The following SRRM4 variants were observed in gnomAD, a reference collection of about 807,000 sequenced individuals.
SRRM4 encodes the protein serine/arginine repetitive matrix 4.
A neutral mutation model predicts 68.9 loss-of-function variants in SRRM4; 33 were observed. The ratio of observed to expected loss-of-function variants is 0.48; its 90% confidence interval spans 0.36 to 0.64. The LOEUF is 0.64. SRRM4 is among the 30% of genes least tolerant of loss of function. The pLI is 0.00. For synonymous variants in SRRM4, 318 were observed against 318.8 expected (o/e 1.00, Z 0.03); for missense variants, 817 against 827.1 (o/e 0.99, Z 0.15).
chr12:119,011,245 TAAAC>T lies in SRRM4; in HGVS notation c.131+29236_131+29239del, dbSNP rs376931396. ...AGACACATACATGGCAAAAAACAAA[TAAAC>T]AAAGTACTATGAAGAAGATTAGATT... is the stretch of plus-strand genomic sequence containing the variant. On this transcript the variant is annotated intron_variant, in intron 1 of 12. Transcript: ENST00000267260. 5.0e-3 allele frequency among the ~76,000 whole-genome samples: 761 copies of T among 152,190 alleles called. 13 individuals are homozygous for T. The highest frequency in any genetic ancestry group is 0.017 in the African/African-American group (718 of 41,520).
intron 1 of SRRM4, among the ~76,000 whole-genome samples, chr12:119,095,882 C>T (rs1954040837): frequency 6.7e-6 from 1 of 148,778 alleles, no homozygotes; most frequent in African/African-American, 2.5e-5. Context: ...ATCACTTGAA[C>T]CCGGGAGGCG....
intron 1 of SRRM4, among the ~76,000 whole-genome samples, chr12:119,056,835 A>G (rs1266638800): frequency 2.6e-5 from 4 of 152,172 alleles, no homozygotes; most frequent in African/African-American, 9.7e-5. Context: ...TTATTTATTT[A>G]ATATCTGTCT....
intron 1 of SRRM4, among the ~76,000 whole-genome samples, chr12:119,087,663 A>G (rs1329584974): frequency 6.6e-6 from 1 of 152,156 alleles, no homozygotes; most frequent in East Asian, 1.9e-4. Context: ...CAGCCTGGGA[A>G]CTGGGCATAG....
intron 1 of SRRM4, among the ~76,000 whole-genome samples, chr12:119,066,436 C>T (rs541599174): frequency 1.3e-5 from 2 of 152,202 alleles, no homozygotes; most frequent in African/African-American, 4.8e-5. Flanking sequence ...TTATTTTACA[C>T]TACTGGGTCT....
intron 7 of SRRM4, among the ~76,000 whole-genome samples, chr12:119,129,598 ACAAT>A (rs1378939310): frequency 1.3e-5 from 2 of 152,254 alleles, no homozygotes; most frequent in African/African-American, 4.8e-5. Flanking sequence ...CACATGACAG[ACAAT>A]CAGAGAGGTA....
At position 119,123,762 on chromosome 12, in the gene SRRM4, GCCT is replaced by G. The variant is rs1954238666; in HGVS notation, c.516-1615_516-1613del. On this transcript the variant is annotated intron_variant, in intron 6 of 12. Coordinates refer to ENST00000267260, the MANE Select transcript of SRRM4 (RefSeq NM_194286.4). ...GGCAAGTGGCTGCTGGAGTGAGTTAGCCTCCTTTCATTCAACATCCCTTAATGA... is the reference window on the plus strand; with the variant it reads ...GGCAAGTGGCTGCTGGAGTGAGTTAGCCTTTCATTCAACATCCCTTAATGA... 2.6e-5 allele frequency among the ~76,000 whole-genome samples: 4 copies of G among 152,346 alleles called. No individual in the cohort carries two copies. In the East Asian group the frequency reaches 7.7e-4, roughly 29 times the overall value.
intron 1 of SRRM4, among the ~76,000 whole-genome samples, chr12:119,013,809 T>C (rs1953464517): frequency 6.6e-6 from 1 of 152,178 alleles, no homozygotes; most frequent in African/African-American, 2.4e-5. Flanking sequence ...TTTTGGTACA[T>C]TTATTTTGGC....
chr12:119,085,808 A>G (rs1953976453), intron 1 of SRRM4, among the ~76,000 whole-genome samples: 1 of 152,082 alleles, frequency 6.6e-6, no homozygotes, highest in South Asian at 2.1e-4. Context: ...GTGGCAATGG[A>G]GATGGAGGCT....
At chr12:119,014,163 C>T (rs375331489) in intron 1 of SRRM4, among the ~76,000 whole-genome samples, 5 of 152,156 alleles carry the variant, frequency 3.3e-5, no homozygotes, top group African/African-American at 1.2e-4. Flanking sequence ...GCTATGATTA[C>T]CTTTTCATGT....
chr12:119,130,508 C>T (rs1453803086), intron 7 of SRRM4, among the ~76,000 whole-genome samples, 170 bp from the exon 8 acceptor site: 1 of 152,074 alleles, frequency 6.6e-6, no homozygotes, highest in Non-Finnish European at 1.5e-5. Context: ...TACACACAGT[C>T]CAGCTTTCAT....
chr12:119,038,715 C>G (rs1374781965), intron 1 of SRRM4, among the ~76,000 whole-genome samples: 1 of 151,930 alleles, frequency 6.6e-6, no homozygotes, highest in Non-Finnish European at 1.5e-5. Context: ...TTCATGTTTC[C>G]TCTTCATTTT....
intron 8 of SRRM4, among the ~76,000 whole-genome samples, chr12:119,138,730 A>G (rs1954346358): frequency 6.6e-6 from 1 of 152,186 alleles, no homozygotes; most frequent in South Asian, 2.1e-4. Context: ...GCCCTCTCAA[A>G]TTATTAGCAC....
intron 1 of SRRM4, among the ~76,000 whole-genome samples, chr12:119,053,113 C>G (rs771810354): frequency 2.0e-5 from 3 of 152,188 alleles, no homozygotes; most frequent in Non-Finnish European, 4.4e-5. Context: ...CCTCTCAACA[C>G]TTGCTAATCT....
intron 8 of SRRM4, among the ~76,000 whole-genome samples, chr12:119,139,934 T>C (rs1042930647): frequency 1.3e-5 from 2 of 152,182 alleles, no homozygotes; most frequent in African/African-American, 2.4e-5. Flanking sequence ...ATTTACAGGG[T>C]ATATGTGATG....
rs1025853692 is a variant in SRRM4, at chr12:119,160,383, G to T, written c.*3585G>T. ...TTTTCTATCCAAAAACAATGTGCTT[G>T]TTGAGGCACTGGTAACCCTGATTAA... On this transcript the variant is annotated 3_prime_UTR_variant, in exon 13 of 13. Transcript: ENST00000267260. 1 of 149,664 alleles carries T rather than the reference G, an allele frequency of 6.7e-6. No individual in the cohort carries two copies. The highest frequency in any genetic ancestry group is 1.5e-5 in the Non-Finnish European group (1 of 67,712). The allele number at this position is 149,664 out of a possible 1,614,324, so 9.3% of individuals were successfully genotyped here.
At chr12:119,025,008 G>A (rs1953538769) in intron 1 of SRRM4, among the ~76,000 whole-genome samples, 1 of 152,174 alleles carries the variant, frequency 6.6e-6, no homozygotes, top group African/African-American at 2.4e-5. Flanking sequence ...ATGTGGGGAA[G>A]CACTCAAGTC....
At chr12:118,996,131 A>G (rs1222035355) in intron 1 of SRRM4, among the ~76,000 whole-genome samples, 1 of 152,126 alleles carries the variant, frequency 6.6e-6, no homozygotes, top group Non-Finnish European at 1.5e-5. Context: ...ATTTCATTCA[A>G]CTGACAGTGG....
rs189534440 is a variant in SRRM4 at position 119,105,354 on chromosome 12, C to T, written c.278+2972C>T. Among the ~76,000 whole-genome samples the T allele has an allele frequency of 2.0e-5, 3 of 152,284 alleles. No individual in the cohort carries two copies. In the East Asian group the frequency reaches 5.8e-4, roughly 29 times the overall value. ...ATACCCAGTAATTGGATGGCTGCGT[C>T]AAATGATATTTCTAGTTTTAGATCC... On this transcript the variant is annotated intron_variant, in intron 2 of 12. Coordinates refer to ENST00000267260, the MANE Select transcript of SRRM4 (RefSeq NM_194286.4).
intron 7 of SRRM4, among the ~76,000 whole-genome samples, chr12:119,126,014 C>CTTTTTTTTTTTTTTTTTTTT (rs34680171): frequency 2.8e-5 from 2 of 71,134 alleles, no homozygotes; most frequent in Non-Finnish European, 5.0e-5. Flanking sequence ...ATACTAGCTG[C>CTTTTTTTTTTTTTTTTTTTT]TTTTTTTTTT....
Sources: allele counts gnomAD v4.1 joint callset (sites outside exome capture counted in the v4.1 genomes callset), GRCh38; gene constraint gnomAD v4.1.1; transcripts MANE v1.5; gene names NCBI Gene and HGNC (gene_info 2026-07-23, HGNC 2026-07-21).